Variants in SAMD3 observed in about 807,000 individuals in gnomAD.
SAMD3 encodes sterile alpha motif domain containing 3, also known as sterile alpha motif domain-containing protein 3.
Under a neutral mutation model 58.5 loss-of-function variants are expected in SAMD3, and 63 were observed. The ratio of observed to expected loss-of-function variants is 1.08; its 90% CI spans 0.88 to 1.33. SAMD3 has a LOEUF of 1.33. Ranked by LOEUF, SAMD3 falls within the 40% of genes most tolerant of loss-of-function variation. The pLI, the probability that SAMD3 is intolerant of heterozygous loss-of-function variation, is 0.00. For missense variants in SAMD3, 604 were observed against 608.4 expected (o/e 0.99, Z 0.08); for synonymous variants, 220 against 210.3 (o/e 1.05, Z -0.40).
chr6:130,157,985 T>A (rs1789945158), intron 8 of SAMD3, among the ~76,000 whole-genome samples: 1 of 151,670 alleles, frequency 6.6e-6, no homozygotes, highest in African/African-American at 2.4e-5. Context: ...CCTTATAAGA[T>A]ACCTAGGAAT....
At chr6:130,215,457 C>G in intron 2 of SAMD3, 163 bp from the exon 3 acceptor site, 1 of 1,298,852 alleles carries the variant, frequency 7.7e-7, no homozygotes, top group Non-Finnish European at 9.8e-7. Flanking sequence ...AAATTGCTAA[C>G]AAAACACACA....
intron 2 of SAMD3, among the ~76,000 whole-genome samples, chr6:130,284,190 G>T (rs992786542): frequency 6.6e-6 from 1 of 152,114 alleles, no homozygotes; most frequent in Non-Finnish European, 1.5e-5. Context: ...AATGATAATG[G>T]TTATTAATTT....
At chr6:130,297,825 C>T (rs923769894) in intron 2 of SAMD3, among the ~76,000 whole-genome samples, 1 of 151,864 alleles carries the variant, frequency 6.6e-6, no homozygotes, top group Admixed American at 6.6e-5. Flanking sequence ...CCCAGTCAGA[C>T]AAAAATCAAG....
intron 1 of SAMD3, among the ~76,000 whole-genome samples, chr6:130,332,934 G>A (rs1227073294): frequency 6.6e-6 from 1 of 152,100 alleles, no homozygotes; most frequent in East Asian, 1.9e-4. Context: ...CAGAAGAGAA[G>A]GAAGAAAGTA....
At chr6:130,341,398 T>C (rs2115023824) in intron 1 of SAMD3, among the ~76,000 whole-genome samples, 1 of 152,340 alleles carries the variant, frequency 6.6e-6, no homozygotes, top group South Asian at 2.1e-4. Context: ...TGTTAATTTC[T>C]CTCACTTAAG....
At chr6:130,264,044 C>T (rs1774242926) in intron 2 of SAMD3, among the ~76,000 whole-genome samples, 1 of 152,164 alleles carries the variant, frequency 6.6e-6, no homozygotes, top group Non-Finnish European at 1.5e-5. Flanking sequence ...GATGCAAATG[C>T]CTGGTTAAAA....
chr6:130,255,776 G>A (rs1255517862), intron 2 of SAMD3, among the ~76,000 whole-genome samples: 2 of 151,490 alleles, frequency 1.3e-5, no homozygotes, highest in Non-Finnish European at 2.9e-5. Flanking sequence ...TTACAAGTGT[G>A]AGCCACCACA....
chr6:130,337,198 C>T (rs1777126305), intron 1 of SAMD3, among the ~76,000 whole-genome samples: 1 of 152,096 alleles, frequency 6.6e-6, no homozygotes, highest in Non-Finnish European at 1.5e-5. Context: ...TTTCCCCATG[C>T]TGTTCTTGTG....
chr6:130,225,399 C>T (rs1796360013), upstream of SAMD3, among the ~76,000 whole-genome samples: 1 of 152,122 alleles, frequency 6.6e-6, no homozygotes, highest in East Asian at 1.9e-4. Flanking sequence ...GGAGCAATTA[C>T]AATGAATGAG....
At chr6:130,183,438 T>C (rs1792598974) in intron 7 of SAMD3, 1 of 449,216 alleles carries the variant, frequency 2.2e-6, no homozygotes, top group Non-Finnish European at 4.4e-6. Context: ...CAGGGCCAGG[T>C]AAGGCTGGAG....
chr6:130,198,940 T>C (rs1794395583), intron 5 of SAMD3, among the ~76,000 whole-genome samples: 1 of 152,146 alleles, frequency 6.6e-6, no homozygotes, highest in South Asian at 2.1e-4. Flanking sequence ...TCATAAATCA[T>C]CCCTGTTTTC....
chr6:130,162,223 T>C, intron 8 of SAMD3: 2 of 700,408 alleles, frequency 2.9e-6, no homozygotes, highest in East Asian at 2.7e-5. Context: ...TCTCACAGAG[T>C]TGGTTGTAAT....
intron 7 of SAMD3, 140 bp from the exon 8 acceptor site, chr6:130,176,148 A>G (rs1562399012): frequency 5.5e-6 from 4 of 726,050 alleles, no homozygotes; most frequent in Non-Finnish European, 9.8e-6. Flanking sequence ...GAAACAATAT[A>G]TCTATCCTTC....
chr6:130,230,948 A>G (rs1270621862), intron 2 of SAMD3, among the ~76,000 whole-genome samples: 1 of 152,204 alleles, frequency 6.6e-6, no homozygotes, highest in Non-Finnish European at 1.5e-5. Context: ...GAAGAGTCTC[A>G]GTGTCTTGCC....
At chr6:130,320,966 T>C (rs1024234764) in intron 1 of SAMD3, among the ~76,000 whole-genome samples, 1 of 152,222 alleles carries the variant, frequency 6.6e-6, no homozygotes, top group African/African-American at 2.4e-5. Flanking sequence ...TCCCTTGACA[T>C]GGGTAATGCT....
At chr6:130,194,070 T>A (rs1433293738) in intron 5 of SAMD3, among the ~76,000 whole-genome samples, 1 of 152,132 alleles carries the variant, frequency 6.6e-6, no homozygotes, top group East Asian at 1.9e-4. Flanking sequence ...CTCCACTCTA[T>A]AATCTTTTTA....
At chr6:130,342,686 G>C (rs1475533037) in intron 1 of SAMD3, among the ~76,000 whole-genome samples, 1 of 152,040 alleles carries the variant, frequency 6.6e-6, no homozygotes, top group East Asian at 1.9e-4. Flanking sequence ...TAAAAGATTA[G>C]AAAGAAAATT....
At chr6:130,258,954 A>C (rs1318695225) in intron 2 of SAMD3, among the ~76,000 whole-genome samples, 2 of 152,280 alleles carry the variant, frequency 1.3e-5, no homozygotes, top group African/African-American at 4.8e-5. Flanking sequence ...GGGAACAATT[A>C]GTGAGATCTA....
chr6:130,213,678 C>T (rs1795771325), intron 4 of SAMD3, among the ~76,000 whole-genome samples: 2 of 151,974 alleles, frequency 1.3e-5, no homozygotes, highest in Admixed American at 6.6e-5. Flanking sequence ...TCTTATAAAT[C>T]CTGTTATCAT....
Sources: gnomAD v4.1 joint callset for allele counts (sites outside exome capture counted in the v4.1 genomes callset) on GRCh38, gnomAD v4.1.1 for gene constraint, MANE v1.5 for transcripts, NCBI Gene and HGNC (gene_info 2026-07-23, HGNC 2026-07-21) for gene names.